The following ZNF562 variants were observed in gnomAD, a reference collection of about 807,000 sequenced individuals.
ZNF562 encodes the protein zinc finger protein 562.
A neutral mutation model predicts 17.5 loss-of-function variants in ZNF562; 13 were observed. The ratio of observed to expected loss-of-function variants is 0.74; its 90% CI spans 0.48 to 1.18. The LOEUF (loss-of-function observed/expected upper bound fraction) is 1.18. ZNF562 is among the 50% of genes most tolerant of loss of function. The pLI is 0.00. For missense variants in ZNF562, 481 were observed against 498.5 expected, an observed-to-expected ratio of 0.96 and a Z score of 0.33; for synonymous variants, 163 against 165.4, an observed-to-expected ratio of 0.99 and a Z score of 0.11.
At chr19:9,656,766 C>A in intron 4 of ZNF562, 113 bp from the exon 5 acceptor site, 2 of 1,020,708 alleles carry the variant, frequency 2.0e-6, no homozygotes, top group Non-Finnish European at 1.4e-6. Context: ...GACTCAGGCC[C>A]GTAATCCCAG....
At chr19:9,669,726 GCGCGCGCGCACACACACACACACA>G (rs2044091840) in intron 1 of ZNF562, among the ~76,000 whole-genome samples, 2 of 85,054 alleles carry the variant, frequency 2.4e-5, no homozygotes, top group Non-Finnish European at 4.8e-5. Flanking sequence ...GAGCGCGCGC[GCGCGCGCGCACACACACACACACA>G]CACACACACA....
chr19:9,641,936 T>C lies in ZNF562; in HGVS notation c.*11013A>G, dbSNP rs1444134585. 1 of 152,082 alleles carries C rather than the reference T, an allele frequency of 6.6e-6. No individual in the cohort carries two copies. The highest frequency in any genetic ancestry group is 2.4e-5 in the African/African-American group (1 of 41,404). 9.4% of individuals were successfully genotyped at this position (152,082 alleles called of 1,614,324 possible). ...ATAAGCGGTGGAGTTAGGAGCAATT[T>C]TTTTTGTAGGCAGTGGGGTGGACGT... On this transcript the variant is annotated 3_prime_UTR_variant, in exon 6 of 6. Coordinates refer to ENST00000453372, the MANE Select transcript of ZNF562 (RefSeq NM_001130031.2).
chr19:9,649,691 TGATAA>T lies in ZNF562; in HGVS notation c.*3253_*3257del, dbSNP rs1171005732. 1 of 152,230 alleles carries T rather than the reference TGATAA, an allele frequency of 6.6e-6. No individual in the cohort carries two copies. Among genetic ancestry groups the T allele is most frequent in the Non-Finnish European group, 1.5e-5 (1 of 68,044 alleles). 9.4% of individuals were successfully genotyped at this position (152,230 alleles called of 1,614,324 possible). On this transcript the variant is annotated 3_prime_UTR_variant, in exon 6 of 6. Transcript: ENST00000453372. ...ACCAGTTGATCTCAAAACCGTCTCC[TGATAA>T]GATGTTATCAATGACAATGGTGCCC...
rs983627602 is a variant in ZNF562 at position 9,645,089 on chromosome 19, C to A, written c.*7860G>T. 8 of 151,248 alleles carry A rather than the reference C, an allele frequency of 5.3e-5. No homozygotes were observed. The highest frequency in any genetic ancestry group is 2.0e-4 in the African/African-American group (8 of 41,006). 9.4% of individuals were successfully genotyped at this position (151,248 alleles called of 1,614,324 possible). A position where few individuals can be genotyped will look rare whatever the true frequency, so the allele number is the denominator to read the frequency against. ...TTTGAGACAGAGTCTCACACTGTCA[C>A]CAGGCTGGAGTGCCGTGGCGCAATA... On this transcript the variant is annotated 3_prime_UTR_variant, in exon 6 of 6. Transcript: ENST00000453372.
rs1397145593 is a variant in ZNF562, at chr19:9,652,651, C to T, written c.*298G>A. ...ACCTGTAGGTTTAATTTCAGACCCT[C>T]GGGATGCATCTAAGGCCAATCTGTG... On this transcript the variant is annotated 3_prime_UTR_variant, in exon 6 of 6. Transcript: ENST00000453372. The T allele has an allele frequency of 1.3e-5, 3 of 224,956 alleles. No individual in the cohort carries two copies. Among genetic ancestry groups the T allele is most frequent in the Non-Finnish European group, 2.6e-5 (3 of 114,722 alleles). The allele number at this position is 224,956 out of a possible 1,614,324, so 13.9% of individuals were successfully genotyped here.
intron 1 of ZNF562, among the ~76,000 whole-genome samples, chr19:9,666,714 A>G (rs2043972964): frequency 6.6e-6 from 1 of 152,128 alleles, no homozygotes; most frequent in African/African-American, 2.4e-5. Context: ...GAAACCACAG[A>G]AATACAACCA....
rs376933513 is a variant in ZNF562, at chr19:9,656,871, A to AAAATATATATATATATATAT, written c.242-219_242-218insATATATATATATATATATTT. 1.5e-3 allele frequency among the ~76,000 whole-genome samples: 210 copies of AAAATATATATATATATATAT among 142,416 alleles called. 2 individuals carry two copies. The highest frequency in any genetic ancestry group is 5.3e-3 in the African/African-American group (205 of 38,608). 93.4% of individuals were successfully genotyped at this position (142,416 alleles called of 152,430 possible). ...AACCCTCTCTCTAGTAAAATACAAA[A>AAAATATATATATATATATAT]ATATATATATATATATATATTAGCC... On this transcript the variant is annotated intron_variant, in intron 4 of 5. Transcript: ENST00000453372.
chr19:9,660,142 G>C (rs187337240), intron 2 of ZNF562, among the ~76,000 whole-genome samples: 1 of 146,774 alleles, frequency 6.8e-6, no homozygotes, highest in East Asian at 2.0e-4. Flanking sequence ...GCATGCTTGT[G>C]ATCCCAGCTA....
chr19:9,653,415 A>T lies in ZNF562; in HGVS notation c.815T>A (p.Phe272Tyr). The change falls in exon 6 of 6, where the codon TTT becomes TAT. Residue 272 changes from phenylalanine to tyrosine, a missense_variant. Around this residue, in one of 2 missense-constraint regions of ZNF562, gnomAD observed 403 missense variants for 386.4 expected, o/e 1.04. Transcript: ENST00000453372. ...TTTTGCATGTGCAGAAAGTTGAGAA[A>T]AATTAGTGAAGGATTTCCCACAGTT... ...TKNCGKSFTN[F>Y]SQLSAHAKTH... The T allele has an allele frequency of 6.2e-7, 1 of 1,614,204 alleles. No homozygotes were observed. The highest frequency in any genetic ancestry group is 8.5e-7 in the Non-Finnish European group (1 of 1,180,040).
rs1304998881 is a variant in ZNF562 at position 9,642,583 on chromosome 19, TC to T, written c.*10365del. The T allele has an allele frequency of 6.6e-6, 1 of 152,008 alleles. No individual in the cohort carries two copies. Among genetic ancestry groups the T allele is most frequent in the Non-Finnish European group, 1.5e-5 (1 of 68,014 alleles). 9.4% of individuals were successfully genotyped at this position (152,008 alleles called of 1,614,324 possible). ...TGAGCCACTCTGCTTGGCCCTTTAT[TC>T]TTTTACATATTTAATTTTTTAAAAA... On this transcript the variant is annotated 3_prime_UTR_variant, in exon 6 of 6. Coordinates refer to ENST00000453372, the MANE Select transcript of ZNF562 (RefSeq NM_001130031.2).
At position 9,648,782 on chromosome 19, in the gene ZNF562, A is replaced by G. The variant is rs1360736818; in HGVS notation, c.*4167T>C. The G allele has an allele frequency of 6.6e-6, 1 of 151,820 alleles. No homozygotes were observed. Among genetic ancestry groups the G allele is most frequent in the Non-Finnish European group, 1.5e-5 (1 of 67,962 alleles). 9.4% of individuals were successfully genotyped at this position (151,820 alleles called of 1,614,324 possible). On this transcript the variant is annotated 3_prime_UTR_variant, in exon 6 of 6. Coordinates refer to ENST00000453372, the MANE Select transcript of ZNF562 (RefSeq NM_001130031.2). ...TAAAACTATAGGCATGCATCACCAC[A>G]TCATTTCATTGAAGTATTTATTAGG... is the stretch of plus-strand genomic sequence containing the variant.
intron 1 of ZNF562, among the ~76,000 whole-genome samples, chr19:9,663,578 T>A (rs1346504196): frequency 6.6e-6 from 1 of 150,708 alleles, no homozygotes; most frequent in African/African-American, 2.4e-5. Flanking sequence ...GGTTTTTTTT[T>A]GTTTTGTTTT....
rs1165277119 is a variant in ZNF562, at chr19:9,653,768, C to T, written c.462G>A (p.Glu154=). Residue 154 remains glutamate, a synonymous_variant, in exon 6 of 6, where the codon GAG becomes GAA. Coordinates refer to ENST00000453372, the MANE Select transcript of ZNF562 (RefSeq NM_001130031.2). Reference sequence around the variant, plus strand: ...TGCTGTCTTTTCCATAACAATTACCCTCAAAAGTGTTCCCTCCATTCTGAG... The same window carrying T: ...TGCTGTCTTTTCCATAACAATTACCTTCAAAAGTGTTCCCTCCATTCTGAG... ...MRAQNGGNTF[E]GNCYGKDSIS... The T allele has an allele frequency of 1.4e-5, 23 of 1,613,948 alleles. No homozygotes were observed. The highest frequency in any genetic ancestry group is 1.9e-5 in the Non-Finnish European group (23 of 1,179,984).
intron 1 of ZNF562, 64 bp from the exon 2 acceptor site, chr19:9,660,938 T>A: frequency 2.1e-6 from 1 of 487,530 alleles, no homozygotes; most frequent in Non-Finnish European, 3.6e-6. Flanking sequence ...ATGCATGAGC[T>A]TTCTCTCTGC....
chr19:9,665,398 A>G (rs1163014347), intron 1 of ZNF562, among the ~76,000 whole-genome samples: 1 of 152,088 alleles, frequency 6.6e-6, no homozygotes, highest in Non-Finnish European at 1.5e-5. Flanking sequence ...CTCAAGGTGG[A>G]CAACCACCTT....
At chr19:9,669,727 C>CGA (rs1296184199) in intron 1 of ZNF562, among the ~76,000 whole-genome samples, 3 of 92,370 alleles carry the variant, frequency 3.2e-5, no homozygotes, top group South Asian at 3.2e-4. Flanking sequence ...AGCGCGCGCG[C>CGA]GCGCGCGCAC....
chr19:9,671,088 T>G (rs1384128476), intron 1 of ZNF562, among the ~76,000 whole-genome samples: 1 of 151,888 alleles, frequency 6.6e-6, no homozygotes, highest in Non-Finnish European at 1.5e-5. Flanking sequence ...GTAGGGTGAC[T>G]ACACTTAATA....
At chr19:9,668,776 A>C (rs996240752) in intron 1 of ZNF562, among the ~76,000 whole-genome samples, 1 of 152,210 alleles carries the variant, frequency 6.6e-6, no homozygotes, top group East Asian at 1.9e-4. Flanking sequence ...ACAAACACAT[A>C]GATCAATGGA....
At chr19:9,669,713 CGCG>C (rs2044080390) in intron 1 of ZNF562, among the ~76,000 whole-genome samples, 1 of 92,650 alleles carries the variant, frequency 1.1e-5, no homozygotes, top group African/African-American at 4.4e-5. Flanking sequence ...CATGCACGCG[CGCG>C]AGCGCGCGCG....
Sources: allele counts gnomAD v4.1 joint callset (sites outside exome capture counted in the v4.1 genomes callset), GRCh38; gene constraint gnomAD v4.1.1; regional missense constraint gnomAD v4.1.1; transcripts MANE v1.5; gene names NCBI Gene and HGNC (gene_info 2026-07-23, HGNC 2026-07-21).